CHFR: variants seen among roughly 807,000 people sequenced by gnomAD.
CHFR encodes E3 ubiquitin-protein ligase CHFR.
Under a neutral mutation model 87.6 loss-of-function variants are expected in CHFR, and 57 were observed. The ratio of observed to expected loss-of-function variants is 0.65; its 90% CI spans 0.53 to 0.81. CHFR has a LOEUF of 0.81. Ranked by LOEUF, CHFR falls within the 30% of genes least tolerant of loss-of-function variation. The pLI is 0.00. For synonymous variants in CHFR, 381 were observed against 359.2 expected, an observed-to-expected ratio of 1.06 and a Z score of -0.69; for missense variants, 797 against 865.8, an observed-to-expected ratio of 0.92 and a Z score of 1.00.
chr12:132,880,746 C>T (rs1951748713), intron 2 of CHFR, among the ~76,000 whole-genome samples: 2 of 151,934 alleles, frequency 1.3e-5, no homozygotes, highest in Admixed American at 1.3e-4. Context: ...GCGGGCGGAT[C>T]ACAAGGTCAG....
chr12:132,859,062 T>C lies in CHFR; in HGVS notation c.911+6A>G. Reference sequence around the variant, plus strand: ...TTCCGTGAGCCAAGGGTGAACACGGTCGCACCTCACGCAGTCGTGCAGCAG... The same window carrying C: ...TTCCGTGAGCCAAGGGTGAACACGGCCGCACCTCACGCAGTCGTGCAGCAG... On this transcript the variant is annotated splice_donor_region_variant and intron_variant, in intron 8 of 17. Transcript: ENST00000450056. The C allele has an allele frequency of 6.2e-7, 1 of 1,611,780 alleles. No individual in the cohort carries two copies. The highest frequency in any genetic ancestry group is 1.1e-5 in the South Asian group (1 of 90,740).
intron 10 of CHFR, chr12:132,853,875 G>A: frequency 7.3e-6 from 3 of 408,476 alleles, no homozygotes; most frequent in Middle Eastern, 6.3e-4. Flanking sequence ...CCAGAGCAGG[G>A]CAAGGGCCAG....
chr12:132,853,763 C>A (rs1300119755), intron 10 of CHFR, 190 bp from the exon 11 acceptor site: 2 of 604,522 alleles, frequency 3.3e-6, no homozygotes, highest in Non-Finnish European at 5.4e-6. Flanking sequence ...AGTCGAAGGG[C>A]AAGGACACGC....
At chr12:132,859,507 C>T (rs942867453) in intron 7 of CHFR, among the ~76,000 whole-genome samples, 31 of 152,086 alleles carry the variant, frequency 2.0e-4, no homozygotes, top group African/African-American at 3.9e-4. Flanking sequence ...CCCACCACCA[C>T]GCCCGGCTAA....
chr12:132,879,606 G>A (rs1245488708), intron 2 of CHFR, among the ~76,000 whole-genome samples: 6 of 151,820 alleles, frequency 4.0e-5, no homozygotes, highest in African/African-American at 1.5e-4. Flanking sequence ...GGCCAGGATG[G>A]TCTCGATCTC....
chr12:132,842,318 T>C (rs1010280522), intron 17 of CHFR, among the ~76,000 whole-genome samples: 1 of 152,212 alleles, frequency 6.6e-6, no homozygotes, highest in African/African-American at 2.4e-5. Flanking sequence ...CTGAAAACTG[T>C]CTGCCAGTCA....
chr12:132,859,381 C>T (rs1007593466), intron 7 of CHFR, among the ~76,000 whole-genome samples, 154 bp from the exon 8 acceptor site: 2 of 151,998 alleles, frequency 1.3e-5, no homozygotes, highest in Non-Finnish European at 2.9e-5. Flanking sequence ...GACAGAGTCT[C>T]GCTCTGTCGC....
intron 6 of CHFR, among the ~76,000 whole-genome samples, chr12:132,863,311 C>T (rs1951259467): frequency 1.3e-5 from 2 of 151,520 alleles, no homozygotes; most frequent in African/African-American, 4.8e-5. Flanking sequence ...AGTTCGAGAC[C>T]AGCCTGACCA....
intron 3 of CHFR, among the ~76,000 whole-genome samples, chr12:132,873,320 C>T (rs992518291): frequency 1.4e-4 from 22 of 152,218 alleles, no homozygotes; most frequent in African/African-American, 5.3e-4. Flanking sequence ...AAAGCAAATG[C>T]AGACAGTAAG....
chr12:132,861,525 C>A lies in CHFR; in HGVS notation c.693G>T (p.Ser231=), dbSNP rs145246258. ...CCTCCTGATCCTGGGGTTCCAACGA[C>A]GAAAAGGACGCAGTCTTTCTGTCTG... ...ALPDRKTASF[S]SLEPQDQEDL... is the part of the protein sequence containing the mutation. Residue 231 remains serine, a synonymous_variant, in exon 7 of 18, where the codon TCG becomes TCT. Transcript: ENST00000450056. 6 of 1,614,210 alleles carry A rather than the reference C, an allele frequency of 3.7e-6. No homozygotes were observed. Among genetic ancestry groups the A allele is most frequent in the Non-Finnish European group, 5.1e-6 (6 of 1,180,036 alleles).
In CHFR at chr12:132,833,282, G is replaced by A. The variant is rs1950627878; in HGVS notation, c.*8272C>T. ...ACTGGGTGAAGCGTTCGAGCGAGAG[G>A]GGCTACCATCTGCATGGGGCCGTCA... On this transcript the variant is annotated 3_prime_UTR_variant, in exon 18 of 18. Transcript: ENST00000450056. The A allele has an allele frequency of 1.3e-5, 2 of 152,188 alleles. No individual in the cohort carries two copies. Among genetic ancestry groups the A allele is most frequent in the African/African-American group, 4.8e-5 (2 of 41,434 alleles). 9.4% of individuals were successfully genotyped at this position (152,188 alleles called of 1,614,324 possible). A position where few individuals can be genotyped will look rare whatever the true frequency, so the allele number is the denominator to read the frequency against.
At position 132,853,526 on chromosome 12, in the gene CHFR, G is replaced by T; in HGVS notation, c.1277C>A (p.Ala426Glu). ...CRQCPEYRRQAAQPPHCPAPE... is the reference protein window; with the variant it reads ...CRQCPEYRRQEAQPPHCPAPE... ...TGCTGGGCAGTGGGGAGGCTGCGCCGCCTGCCTTCTGTACTCAGGACACTG... is the reference window on the plus strand; with the variant it reads ...TGCTGGGCAGTGGGGAGGCTGCGCCTCCTGCCTTCTGTACTCAGGACACTG... Residue 426 changes from alanine to glutamate, a missense_variant, in exon 11 of 18, where the codon GCG becomes GAG. Physicochemically the swap from Ala to Glu is moderately radical, Grantham distance 107. Coordinates refer to ENST00000450056, the MANE Select transcript of CHFR (RefSeq NM_001161346.2). 6.5e-7 allele frequency: 1 copy of T among 1,530,598 alleles called. No individual in the cohort carries two copies. The allele number at this position is 1,530,598 out of a possible 1,614,324, so 94.8% of individuals were successfully genotyped here.
intron 11 of CHFR, among the ~76,000 whole-genome samples, chr12:132,852,653 A>C (rs1950973401): frequency 6.6e-6 from 1 of 152,240 alleles, no homozygotes; most frequent in Non-Finnish European, 1.5e-5. Context: ...CCAGTGACCC[A>C]GACAGAGCTG....
chr12:132,848,553 G>C (rs1033520177), intron 13 of CHFR, 88 bp downstream of exon 13: 1 of 1,006,874 alleles, frequency 9.9e-7, no homozygotes, highest in East Asian at 2.6e-5. Flanking sequence ...TAAACATCAG[G>C]CTATGGACCC....
chr12:132,879,009 G>GT lies in CHFR; in HGVS notation c.134-1356dup, dbSNP rs71079148. 2.2e-3 allele frequency among the ~76,000 whole-genome samples: 270 copies of GT among 121,824 alleles called. 2 individuals are homozygous for GT. Among genetic ancestry groups the GT allele is most frequent in the African/African-American group, 6.5e-3 (216 of 33,396 alleles). The allele number at this position is 121,824 out of a possible 152,430, so 79.9% of individuals were successfully genotyped here. On this transcript the variant is annotated intron_variant, in intron 2 of 17. Transcript: ENST00000450056. ...TTTGTTTTTTTTTTTGTTTTTGTTTGTTTTTTTTTTTTTGAGATGGAGTCT... is the reference window on the plus strand; with the variant it reads ...TTTGTTTTTTTTTTTGTTTTTGTTTGTTTTTTTTTTTTTTGAGATGGAGTCT...
intron 17 of CHFR, among the ~76,000 whole-genome samples, chr12:132,842,359 T>C (rs1950721280): frequency 6.6e-6 from 1 of 152,178 alleles, no homozygotes; most frequent in South Asian, 2.1e-4. Context: ...AACAACATGG[T>C]CTCTTCCATG....
chr12:132,848,085 C>T lies in CHFR; in HGVS notation c.1647G>A (p.Lys549=), dbSNP rs1326600805. The stretch of plus-strand genomic sequence containing the variant: ...TCCCCAGCCCGCAGCGAGTCGGTAC[C>T]TTCAGGATGTCTGACTCGTAGCTGT... The part of the protein sequence containing the change: ...NNNSYESDIL[K]NYLATRGLTW... Residue 549 remains lysine (K), a splice_region_variant and synonymous_variant, in exon 14 of 18, where the codon AAG becomes AAA. Transcript: ENST00000450056. The T allele has an allele frequency of 3.1e-6, 5 of 1,614,052 alleles. No homozygotes were observed. Among genetic ancestry groups the T allele is most frequent in the Admixed American group, 1.7e-5 (1 of 60,004 alleles).
At chr12:132,847,337 G>T in intron 14 of CHFR, 1 of 1,316,034 alleles carries the variant, frequency 7.6e-7, no homozygotes, top group South Asian at 1.6e-5. Context: ...GTCCCAAAAG[G>T]TTCCAGTGTA....
chr12:132,883,496 C>A (rs918850296), intron 2 of CHFR, among the ~76,000 whole-genome samples: 3 of 151,016 alleles, frequency 2.0e-5, no homozygotes, highest in Non-Finnish European at 4.4e-5. Flanking sequence ...GAGGCCGAGG[C>A]GGGTGGATCA....
Sources: gnomAD v4.1 joint callset for allele counts (sites outside exome capture counted in the v4.1 genomes callset) on GRCh38, gnomAD v4.1.1 for gene constraint, MANE v1.5 for transcripts, NCBI Gene and HGNC (gene_info 2026-07-23, HGNC 2026-07-21) for gene names.